TTLL10: variants seen among roughly 807,000 people sequenced by gnomAD.
TTLL10 encodes the protein tubulin tyrosine ligase like 10.
A neutral mutation model predicts 69.0 loss-of-function variants in TTLL10; 61 were observed. The ratio of observed to expected loss-of-function variants is 0.88; its 90% CI spans 0.72 to 1.09. The LOEUF is 1.09. Ranked by LOEUF, TTLL10 falls within the 50% of genes least tolerant of loss-of-function variation. The pLI is 0.00. For synonymous variants in TTLL10, 408 were observed against 393.3 expected (o/e 1.04, Z -0.44); for missense variants, 962 against 945.9 (o/e 1.02, Z -0.22).
In TTLL10 at chr1:1,181,834, T is replaced by C; in HGVS notation, c.830+19T>C. 4 of 1,586,006 alleles carry C rather than the reference T, an allele frequency of 2.5e-6. No individual in the cohort carries two copies. Among genetic ancestry groups the C allele is most frequent in the Non-Finnish European group, 3.4e-6 (4 of 1,164,088 alleles). The stretch of plus-strand genomic sequence containing the variant: ...CACAGAGGTAGACTCAGCCCAGCTG[T>C]GAGGGGCCCTTCAGACCGAAGTTCA... On this transcript the variant is annotated intron_variant, in intron 9 of 15. Transcript: ENST00000379289. The surrounding 1 kb of genome is among the most constrained non-coding windows in gnomAD (Gnocchi z 4.6).
chr1:1,179,985 A>T (rs1646994406), intron 5 of TTLL10, 49 bp from the exon 6 acceptor site: 1 of 1,468,506 alleles, frequency 6.8e-7, no homozygotes, highest in Non-Finnish European at 9.0e-7. Flanking sequence ...GTCCGGGCTG[A>T]GTGGGCAGCT....
At chr1:1,196,768 G>A in intron 14 of TTLL10, 52 bp downstream of exon 14, 8 of 1,297,946 alleles carry the variant, frequency 6.2e-6, no homozygotes, top group South Asian at 2.5e-5. Context: ...GGAGGCAGGG[G>A]CCATCTGTAC....
rs149808134 is a variant in TTLL10 at position 1,180,596 on chromosome 1, G to A, written c.620G>A (p.Arg207Gln). The A allele has an allele frequency of 4.7e-5, 73 of 1,551,670 alleles. No individual in the cohort carries two copies. The highest frequency in any genetic ancestry group is 5.8e-5 in the Non-Finnish European group (67 of 1,147,382). ...AGCCGAGACAGCTACGGCAGCTTCC[G>A]GGAAGGTAGCGGGAGCCGGCACCAG... ...VKSRDSYGSF[R>Q]EGEQLLYQLP... Residue 207 changes from arginine (R) to glutamine (Q), a missense_variant, in exon 7 of 16, where the codon CGG becomes CAG. Arg to Gln is a conservative substitution (Grantham distance 43). Coordinates refer to ENST00000379289, the MANE Select transcript of TTLL10 (RefSeq NM_001130045.2).
chr1:1,194,853 T>C (rs1178485406), intron 13 of TTLL10, among the ~76,000 whole-genome samples: 1 of 152,080 alleles, frequency 6.6e-6, no homozygotes, highest in African/African-American at 2.4e-5. Flanking sequence ...TGGGAAGTTT[T>C]CTGCCATTAT....
intron 13 of TTLL10, among the ~76,000 whole-genome samples, chr1:1,187,159 A>G (rs12063897): frequency 0.099 from 15,116 of 152,084 alleles, 865 homozygotes; most frequent in East Asian, 0.15. Flanking sequence ...AGTTCTTTAC[A>G]TATTCTAAAC....
At chr1:1,193,351 G>C (rs1242493976) in intron 13 of TTLL10, among the ~76,000 whole-genome samples, 1 of 151,890 alleles carries the variant, frequency 6.6e-6, no homozygotes, top group Non-Finnish European at 1.5e-5. Flanking sequence ...AATAATTACT[G>C]ATAAGGTAGG....
chr1:1,193,698 C>T (rs1323809582), intron 13 of TTLL10, among the ~76,000 whole-genome samples: 1 of 152,168 alleles, frequency 6.6e-6, no homozygotes, highest in Non-Finnish European at 1.5e-5. Context: ...CTGCTGACCT[C>T]AGGTGATCTA....
intron 5 of TTLL10, 53 bp downstream of exon 5, chr1:1,179,790 C>A (rs1300977412): frequency 2.7e-6 from 4 of 1,497,236 alleles, no homozygotes; most frequent in Middle Eastern, 1.9e-4. Flanking sequence ...AGCTCCCCAC[C>A]CCCACCTGGA....
chr1:1,175,383 T>C (rs1408837435), intron 3 of TTLL10: 2 of 301,070 alleles, frequency 6.6e-6, no homozygotes, highest in African/African-American at 4.3e-5. Context: ...CTGATGCTGC[T>C]GCTTCTGGAG....
Position 1,179,258 on chromosome 1 carries a change from C to T in TTLL10, c.43C>T (p.Pro15Ser), listed in dbSNP as rs1038589346. ...CTRFIHRRGP[P>S]TRTRAGFKRG... ...CCGGTTCATCCACCGCCGGGGACCACCCACTCGGACCCGAGCCGGCTTCAA... is the reference window on the plus strand; with the variant it reads ...CCGGTTCATCCACCGCCGGGGACCATCCACTCGGACCCGAGCCGGCTTCAA... The change falls in exon 4 of 16, where the codon CCC becomes TCC. Residue 15 changes from proline to serine, a missense_variant. Physicochemically the swap from Pro to Ser is moderately conservative, Grantham distance 74. Coordinates refer to ENST00000379289, the MANE Select transcript of TTLL10 (RefSeq NM_001130045.2). 1.1e-5 allele frequency: 17 copies of T among 1,549,972 alleles called. No homozygotes were observed. In the East Asian group the frequency reaches 3.9e-4, roughly 36 times the overall value.
intron 11 of TTLL10, 121 bp downstream of exon 11, chr1:1,183,168 C>T (rs1647133264): frequency 8.0e-7 from 1 of 1,246,866 alleles, no homozygotes; most frequent in Admixed American, 2.8e-5. Context: ...CCACCAGCCC[C>T]TGTGCAGACC....
intron 3 of TTLL10, among the ~76,000 whole-genome samples, chr1:1,177,044 C>CTGTGTGTGTGGGTGTCTGTG (rs370192938): frequency 1.3e-5 from 2 of 150,742 alleles, no homozygotes; most frequent in Non-Finnish European, 3.0e-5. Flanking sequence ...GTGTCAGCGT[C>CTGTGTGTGTGGGTGTCTGTG]TGTGTGTGTG....
chr1:1,197,807 C>T lies in TTLL10; in HGVS notation c.1982C>T (p.Ala661Val). 1.3e-6 allele frequency: 2 copies of T among 1,519,290 alleles called. No individual in the cohort carries two copies. The highest frequency in any genetic ancestry group is 8.8e-7 in the Non-Finnish European group (1 of 1,133,622). The allele number at this position is 1,519,290 out of a possible 1,614,324, so 94.1% of individuals were successfully genotyped here. The change falls in exon 16 of 16, where the codon GCC (alanine) becomes GTC (valine). Residue 661 changes from alanine (A) to valine (V), a missense_variant. Coordinates refer to ENST00000379289, the MANE Select transcript of TTLL10 (RefSeq NM_001130045.2). ...HPAQEPSPGT[A>V]KEEREEPENA... ...GCGCAAGAGCCTTCCCCGGGGACAG[C>T]CAAGGAGGAACGCGAGGAGCCTGAG...
chr1:1,185,371 G>C lies in TTLL10; in HGVS notation c.1401+262G>C. 1 of 1,339,948 alleles carries C rather than the reference G, an allele frequency of 7.5e-7. No homozygotes were observed. The highest frequency in any genetic ancestry group is 9.5e-7 in the Non-Finnish European group (1 of 1,047,866). 83.0% of individuals were successfully genotyped at this position (1,339,948 alleles called of 1,614,324 possible). A position where few individuals can be genotyped will look rare whatever the true frequency, so the allele number is the denominator to read the frequency against. ...GAGTCCCGCGGGCAGCCTCGCCGTA[G>C]GGTCAGGGGACAGCTCGGCTTCAGT... is the stretch of plus-strand genomic sequence containing the variant. On this transcript the variant is annotated intron_variant, in intron 13 of 15. Coordinates refer to ENST00000379289, the MANE Select transcript of TTLL10 (RefSeq NM_001130045.2). This position sits in a 1 kb window ranked among gnomAD's most constrained non-coding sequence, Gnocchi z 6.1.
intron 3 of TTLL10, 93 bp downstream of exon 3, chr1:1,174,582 G>T (rs1364157032): frequency 6.6e-6 from 1 of 152,142 alleles, no homozygotes; most frequent in African/African-American, 2.4e-5. Flanking sequence ...CGTCACAACC[G>T]TCCTCCACAC....
Position 1,185,387 on chromosome 1 carries a change from C to G in TTLL10, c.1401+278C>G. ...CTCGCCGTAGGGTCAGGGGACAGCT[C>G]GGCTTCAGTGACAGCCACCATGTGA... On this transcript the variant is annotated intron_variant, in intron 13 of 15. Coordinates refer to ENST00000379289, the MANE Select transcript of TTLL10 (RefSeq NM_001130045.2). This position sits in a 1 kb window ranked among gnomAD's most constrained non-coding sequence, Gnocchi z 6.1. The G allele has an allele frequency of 7.8e-7, 1 of 1,290,022 alleles. No individual in the cohort carries two copies. Among genetic ancestry groups the G allele is most frequent in the Non-Finnish European group, 9.8e-7 (1 of 1,019,112 alleles). 79.9% of individuals were successfully genotyped at this position (1,290,022 alleles called of 1,614,324 possible). A position where few individuals can be genotyped will look rare whatever the true frequency, so the allele number is the denominator to read the frequency against.
At position 1,188,950 on chromosome 1, in the gene TTLL10, G is replaced by A. The variant is rs541363459; in HGVS notation, c.1401+3841G>A. Among the ~76,000 whole-genome samples the A allele has an allele frequency of 4.6e-5, 7 of 151,962 alleles. No individual in the cohort carries two copies. The South Asian group carries it at 1.5e-3, about 32-fold the overall frequency. On this transcript the variant is annotated intron_variant, in intron 13 of 15. Coordinates refer to ENST00000379289, the MANE Select transcript of TTLL10 (RefSeq NM_001130045.2). The stretch of plus-strand genomic sequence containing the variant: ...GAATTATTTTTTAAATTTCCTTTTT[G>A]GATTGTCCATTGCTAGTGTATAAAA...
At chr1:1,195,281 TG>T (rs947682811) in intron 13 of TTLL10, among the ~76,000 whole-genome samples, 1 of 151,914 alleles carries the variant, frequency 6.6e-6, no homozygotes, top group Non-Finnish European at 1.5e-5. Context: ...GTGAAGCCAC[TG>T]CACCCGGCCT....
chr1:1,182,960 C>T lies in TTLL10; in HGVS notation c.1001C>T (p.Ala334Val), dbSNP rs763435422. The T allele has an allele frequency of 6.9e-6, 11 of 1,604,660 alleles. No homozygotes were observed. In the East Asian group the frequency reaches 2.5e-4, roughly 36 times the overall value. The change falls in exon 11 of 16, where the codon GCC becomes GTC. Residue 334 changes from alanine to valine, a missense_variant. Ala to Val is a moderately conservative substitution (Grantham distance 64). Coordinates refer to ENST00000379289, the MANE Select transcript of TTLL10 (RefSeq NM_001130045.2). ...FLLRNQEEVA[A>V]LQAKTRSMED... ...CTCCGGAACCAGGAGGAAGTTGCCG[C>T]CCTGCAGGCCAAGACCCGGAGCATG...
Sources: allele counts gnomAD v4.1 joint callset (sites outside exome capture counted in the v4.1 genomes callset), GRCh38; gene constraint gnomAD v4.1.1; non-coding constraint Gnocchi (gnomAD v3.1); transcripts MANE v1.5; gene names NCBI Gene and HGNC (gene_info 2026-07-23, HGNC 2026-07-21).